PARP8: variants seen among roughly 807,000 people sequenced by gnomAD.
The protein encoded by PARP8 is poly(ADP-ribose) polymerase family member 8, also known as protein mono-ADP-ribosyltransferase PARP8.
A neutral mutation model predicts 124.1 loss-of-function variants in PARP8; 51 were observed. That is an observed-to-expected ratio of 0.41 (90% confidence interval 0.33 to 0.52). The LOEUF (loss-of-function observed/expected upper bound fraction) is 0.52. Among genes scored for constraint, PARP8 ranks in the 20% least tolerant of loss-of-function variants. The pLI is 0.21. For missense variants in PARP8, 860 were observed against 1,018.9 expected (o/e 0.84, Z 2.12); for synonymous variants, 391 against 361.5 (o/e 1.08, Z -0.93).
chr5:50,776,171 A>T (rs1289288297), intron 7 of PARP8, among the ~76,000 whole-genome samples: 2 of 152,210 alleles, frequency 1.3e-5, no homozygotes, highest in African/African-American at 2.4e-5. Flanking sequence ...GATTCTGTTA[A>T]TGTGATGTAT....
At chr5:50,758,645 T>G (rs976357937) in intron 3 of PARP8, among the ~76,000 whole-genome samples, 3 of 152,228 alleles carry the variant, frequency 2.0e-5, no homozygotes, top group Admixed American at 2.0e-4. Flanking sequence ...GTGTTCGTGG[T>G]ATTTTATACT....
chr5:50,831,986 T>A (rs934510180), intron 22 of PARP8, among the ~76,000 whole-genome samples: 3 of 152,176 alleles, frequency 2.0e-5, no homozygotes, highest in African/African-American at 7.2e-5. Flanking sequence ...TTGTTCAGAA[T>A]TGGCATTTGA....
At chr5:50,736,966 A>C (rs778764616) in intron 2 of PARP8, among the ~76,000 whole-genome samples, 1 of 152,208 alleles carries the variant, frequency 6.6e-6, no homozygotes, top group Admixed American at 6.5e-5. Context: ...TGAAATTTTC[A>C]TAAGAAAGAT....
chr5:50,818,910 G>A (rs1745430591), intron 15 of PARP8, among the ~76,000 whole-genome samples: 1 of 152,166 alleles, frequency 6.6e-6, no homozygotes, highest in African/African-American at 2.4e-5. Flanking sequence ...TGGTGACCGG[G>A]GGGACTGGAC....
intron 2 of PARP8, among the ~76,000 whole-genome samples, chr5:50,703,200 C>T (rs1448545217): frequency 4.0e-5 from 6 of 150,316 alleles, no homozygotes; most frequent in Non-Finnish European, 7.4e-5. Context: ...ACTTGGGAGG[C>T]GGAGGTGGGG....
chr5:50,792,174 G>A (rs1044292336), intron 10 of PARP8, among the ~76,000 whole-genome samples: 2 of 152,078 alleles, frequency 1.3e-5, no homozygotes, highest in African/African-American at 4.8e-5. Flanking sequence ...ACTGGCAATG[G>A]TAGTAGTTCC....
intron 23 of PARP8, among the ~76,000 whole-genome samples, chr5:50,833,218 G>A (rs1041658764): frequency 6.6e-6 from 1 of 152,018 alleles, no homozygotes; most frequent in African/African-American, 2.4e-5. Flanking sequence ...AATAAATCAG[G>A]GAAATGAGAC....
intron 14 of PARP8, among the ~76,000 whole-genome samples, chr5:50,802,001 A>T (rs1307885025): frequency 2.0e-5 from 3 of 152,204 alleles, no homozygotes; most frequent in African/African-American, 7.2e-5. Context: ...TAATGTCTTT[A>T]AAACTAAAGT....
chr5:50,786,418 A>G (rs1741251228), intron 9 of PARP8, among the ~76,000 whole-genome samples: 1 of 150,138 alleles, frequency 6.7e-6, no homozygotes, highest in Non-Finnish European at 1.5e-5. Context: ...AGGCTGTAGT[A>G]GAGTGGCATT....
At chr5:50,830,776 A>G (rs1245707067) in intron 22 of PARP8, among the ~76,000 whole-genome samples, 3 of 152,010 alleles carry the variant, frequency 2.0e-5, no homozygotes, top group Non-Finnish European at 4.4e-5. Flanking sequence ...GGTTTTATAT[A>G]CATATAACTG....
chr5:50,712,832 G>A (rs1461822928), intron 2 of PARP8, among the ~76,000 whole-genome samples: 18 of 151,828 alleles, frequency 1.2e-4, no homozygotes, highest in Non-Finnish European at 2.5e-4. Flanking sequence ...GAAAGAAGGA[G>A]GAACAAGGTT....
At chr5:50,700,298 G>C (rs1397352207) in intron 2 of PARP8, among the ~76,000 whole-genome samples, 1 of 152,156 alleles carries the variant, frequency 6.6e-6, no homozygotes, top group Non-Finnish European at 1.5e-5. Context: ...GAAATTCTCT[G>C]AGAGGATAAA....
At chr5:50,679,890 T>C (rs1751079785) in intron 2 of PARP8, among the ~76,000 whole-genome samples, 1 of 152,114 alleles carries the variant, frequency 6.6e-6, no homozygotes. Context: ...CTAATGTGAG[T>C]TAGGCAAAGA....
intron 2 of PARP8, among the ~76,000 whole-genome samples, chr5:50,747,957 G>A (rs1344989521): frequency 6.6e-6 from 1 of 151,422 alleles, no homozygotes; most frequent in Non-Finnish European, 1.5e-5. Context: ...TGTATTTTTA[G>A]TATAGACCTT....
chr5:50,708,928 C>G (rs1754439190), intron 2 of PARP8, among the ~76,000 whole-genome samples: 1 of 151,712 alleles, frequency 6.6e-6, no homozygotes, highest in South Asian at 2.1e-4. Flanking sequence ...ACTACAGGCA[C>G]TTGCCACCAT....
intron 21 of PARP8, 67 bp downstream of exon 21, chr5:50,828,451 TG>T: frequency 7.1e-7 from 1 of 1,404,732 alleles, no homozygotes; most frequent in East Asian, 2.3e-5. Flanking sequence ...TAAGCAACCC[TG>T]TTGTTAGGTT....
At chr5:50,730,415 G>T (rs1432919632) in intron 2 of PARP8, among the ~76,000 whole-genome samples, 1 of 152,124 alleles carries the variant, frequency 6.6e-6, no homozygotes, top group Non-Finnish European at 1.5e-5. Flanking sequence ...TAGCAGGGGA[G>T]AAAAGTGCTG....
chr5:50,832,400 A>G (rs1445037848), intron 22 of PARP8, among the ~76,000 whole-genome samples: 1 of 152,196 alleles, frequency 6.6e-6, no homozygotes, highest in East Asian at 1.9e-4. Flanking sequence ...ACAAAAGTTC[A>G]GTTGTAATGT....
chr5:50,797,300 A>G (rs1742669080), intron 14 of PARP8, 67 bp downstream of exon 14: 2 of 1,163,168 alleles, frequency 1.7e-6, no homozygotes, highest in South Asian at 1.6e-5. Context: ...GATTTGAAAT[A>G]TAAAAATAAG....
Sources: allele counts gnomAD v4.1 joint callset (sites outside exome capture counted in the v4.1 genomes callset), GRCh38; gene constraint gnomAD v4.1.1; transcripts MANE v1.5; gene names NCBI Gene and HGNC (gene_info 2026-07-23, HGNC 2026-07-21).